SPNS1: variants seen among roughly 807,000 people sequenced by gnomAD.
The protein encoded by SPNS1 is protein spinster homolog 1.
In SPNS1, 22 loss-of-function variants were observed where a neutral mutation model predicts 50.3. That is an observed-to-expected ratio of 0.44 (90% CI 0.31 to 0.62). SPNS1 has a LOEUF of 0.62. SPNS1 is among the 20% of genes least tolerant of loss of function. SPNS1 has a pLI of 0.07. For missense variants in SPNS1, 576 were observed against 728.6 expected (o/e 0.79, Z 2.41); for synonymous variants, 295 against 317.4 (o/e 0.93, Z 0.75).
At chr16:28,980,839 G>A in intron 5 of SPNS1, among the ~76,000 whole-genome samples, 1 of 151,554 alleles carries the variant, frequency 6.6e-6, no homozygotes, top group Non-Finnish European at 1.5e-5. Context: ...GGGTGACAGA[G>A]TGAGACTCTG....
At position 28,981,818 on chromosome 16, in the gene SPNS1, T is replaced by C. The variant is rs1248618042; in HGVS notation, c.810-83T>C. On this transcript the variant is annotated intron_variant, in intron 6 of 11. Coordinates refer to ENST00000311008, the MANE Select transcript of SPNS1 (RefSeq NM_032038.3). This position sits in a 1 kb window ranked among gnomAD's most constrained non-coding sequence, Gnocchi z 4.2. ...GCACGGTGTTGTGACCTTACTAAAATAAGCCAGGAAGGGAGAAGAGAGGTC... is the reference window on the plus strand; with the variant it reads ...GCACGGTGTTGTGACCTTACTAAAACAAGCCAGGAAGGGAGAAGAGAGGTC... 3 of 1,573,492 alleles carry C rather than the reference T, an allele frequency of 1.9e-6. No homozygotes were observed. The African/African-American group carries it at 4.0e-5, about 21-fold the overall frequency.
At chr16:28,984,651 G>A (rs1268672107), downstream of SPNS1, 12 of 627,014 alleles carry the variant, frequency 1.9e-5, no homozygotes, top group Admixed American at 1.6e-4. Flanking sequence ...CTCTGGGTGA[G>A]TCTCTGCCCT....
rs767638751 is a variant in SPNS1, at chr16:28,983,167, C to T, written c.1222-25C>T. On this transcript the variant is annotated intron_variant, in intron 9 of 11. Transcript: ENST00000311008. The surrounding 1 kb of genome is among the most constrained non-coding windows in gnomAD (Gnocchi z 5.4). ...TGCCCCCTGGAGCCCAGAGCATCCACTGAGCTCCACCAACTCCTCCACAGT... is the reference window on the plus strand; with the variant it reads ...TGCCCCCTGGAGCCCAGAGCATCCATTGAGCTCCACCAACTCCTCCACAGT... The T allele has an allele frequency of 2.8e-5, 44 of 1,580,606 alleles. No homozygotes were observed. The highest frequency in any genetic ancestry group is 3.7e-5 in the Non-Finnish European group (42 of 1,150,036).
chr16:28,981,623 T>G lies in SPNS1; in HGVS notation c.809+8T>G, dbSNP rs1965555634. Reference sequence around the variant, plus strand: ...GAGGGCTCTGGCAAGAAAGTGAGTTTATTCCCACCCTAGACCACCATCTGA... The same window carrying G: ...GAGGGCTCTGGCAAGAAAGTGAGTTGATTCCCACCCTAGACCACCATCTGA... On this transcript the variant is annotated splice_region_variant and intron_variant, in intron 6 of 11. Transcript: ENST00000311008. The surrounding 1 kb of genome is among the most constrained non-coding windows in gnomAD (Gnocchi z 4.2). The G allele has an allele frequency of 1.2e-6, 2 of 1,613,754 alleles. No individual in the cohort carries two copies. Among genetic ancestry groups the G allele is most frequent in the Non-Finnish European group, 1.7e-6 (2 of 1,179,778 alleles).
Position 28,984,292 on chromosome 16 carries a change from T to C in SPNS1, c.1580T>C (p.Leu527Pro). Residue 527 changes from leucine (L) to proline (P), a missense_variant, in exon 12 of 12, where the codon CTC becomes CCC. Transcript: ENST00000311008. ...RSTRVPVASV[L>P]I ...ACCCGCGTGCCCGTGGCCAGTGTGC[T>C]CATCTGAGAGGCTGCCGCTCACCTA... 1 of 1,612,330 alleles carries C rather than the reference T, an allele frequency of 6.2e-7. No homozygotes were observed. The highest frequency in any genetic ancestry group is 8.5e-7 in the Non-Finnish European group (1 of 1,179,872).
In SPNS1 at chr16:28,983,848, G is replaced by C. The variant is rs1299416759; in HGVS notation, c.1383G>C (p.Gln461His). The C allele has an allele frequency of 6.2e-7, 1 of 1,604,738 alleles. No homozygotes were observed. The highest frequency in any genetic ancestry group is 8.5e-7 in the Non-Finnish European group (1 of 1,179,388). The change falls in exon 11 of 12, where the codon CAG (glutamine) becomes CAC (histidine). Residue 461 changes from glutamine (Q) to histidine (H), a missense_variant. Gln to His is a conservative substitution (Grantham distance 24, BLOSUM62 0). Transcript: ENST00000311008. This position sits in a 1 kb window ranked among gnomAD's most constrained non-coding sequence, Gnocchi z 5.4. ...PSFLSEFRALQFSLMLCAFVG... is the reference protein window; with the variant it reads ...PSFLSEFRALHFSLMLCAFVG... ...TCTTGTCCGAGTTCCGGGCTCTGCA[G>C]TTCTCGCTCATGCTCTGCGCGTTTG...
Position 28,981,834 on chromosome 16 carries a change from AAG to A in SPNS1, c.810-62_810-61del, listed in dbSNP as rs1965564349. 1.3e-6 allele frequency: 2 copies of A among 1,588,190 alleles called. No individual in the cohort carries two copies. Among genetic ancestry groups the A allele is most frequent in the African/African-American group, 2.7e-5 (2 of 74,382 alleles). On this transcript the variant is annotated intron_variant, in intron 6 of 11. Coordinates refer to ENST00000311008, the MANE Select transcript of SPNS1 (RefSeq NM_032038.3). This position sits in a 1 kb window ranked among gnomAD's most constrained non-coding sequence, Gnocchi z 4.2. ...TTACTAAAATAAGCCAGGAAGGGAGAAGAGAGGTCCCCTCCTGCCTCGACACC... is the reference window on the plus strand; with the variant it reads ...TTACTAAAATAAGCCAGGAAGGGAGAAGAGGTCCCCTCCTGCCTCGACACC...
At position 28,975,161 on chromosome 16, in the gene SPNS1, T is replaced by A; in HGVS notation, c.10T>A (p.Ser4Thr). The change falls in exon 1 of 12, where the codon TCC becomes ACC. Residue 4 changes from serine (S) to threonine (T), a missense_variant. Around this residue, in one of 3 missense-constraint regions of SPNS1, gnomAD observed 144 missense variants for 181.2 expected, o/e 0.79. Coordinates refer to ENST00000311008, the MANE Select transcript of SPNS1 (RefSeq NM_032038.3). The part of the protein sequence containing the change: MAG[S>T]DTAPFLSQAD... ...GCGGCCCCCCGGGACCATGGCCGGG[T>A]CCGACACCGCGCCCTTCCTCAGCCA... The A allele has an allele frequency of 6.7e-7, 1 of 1,487,458 alleles. No individual in the cohort carries two copies. Among genetic ancestry groups the A allele is most frequent in the Non-Finnish European group, 8.9e-7 (1 of 1,120,636 alleles). 92.1% of individuals were successfully genotyped at this position (1,487,458 alleles called of 1,614,324 possible).
At position 28,983,998 on chromosome 16, in the gene SPNS1, C is replaced by T. The variant is rs780068029; in HGVS notation, c.1492+41C>T. ...TGCCCGGCCCAGCTTCTTGATCTGC[C>T]TGTCTGTCTGTCCATCTGTCTGCCC... On this transcript the variant is annotated intron_variant, in intron 11 of 11. Coordinates refer to ENST00000311008, the MANE Select transcript of SPNS1 (RefSeq NM_032038.3). The surrounding 1 kb of genome is among the most constrained non-coding windows in gnomAD (Gnocchi z 5.4). 13 of 1,521,462 alleles carry T rather than the reference C, an allele frequency of 8.5e-6. No individual in the cohort carries two copies. The highest frequency in any genetic ancestry group is 2.3e-5 in the East Asian group (1 of 43,950). The allele number at this position is 1,521,462 out of a possible 1,614,324, so 94.2% of individuals were successfully genotyped here. A position where few individuals can be genotyped will look rare whatever the true frequency, so the allele number is the denominator to read the frequency against.
chr16:28,978,308 G>A (rs1379140658), intron 3 of SPNS1, among the ~76,000 whole-genome samples: 2 of 151,688 alleles, frequency 1.3e-5, no homozygotes, highest in East Asian at 3.9e-4. Flanking sequence ...AACCCTACCT[G>A]GCCTGCCCTC....
chr16:28,983,764 T>A lies in SPNS1; in HGVS notation c.1321-22T>A. The A allele has an allele frequency of 6.4e-7, 1 of 1,556,394 alleles. No individual in the cohort carries two copies. Among genetic ancestry groups the A allele is most frequent in the South Asian group, 1.2e-5 (1 of 84,532 alleles). ...ATCCATGAGGCTGACTCCCCTGGCTTTCCTGTCTCCTCTCCCTGCAGATCT... is the reference window on the plus strand; with the variant it reads ...ATCCATGAGGCTGACTCCCCTGGCTATCCTGTCTCCTCTCCCTGCAGATCT... On this transcript the variant is annotated intron_variant, in intron 10 of 11. Transcript: ENST00000311008. This position sits in a 1 kb window ranked among gnomAD's most constrained non-coding sequence, Gnocchi z 5.4.
intron 2 of SPNS1, among the ~76,000 whole-genome samples, chr16:28,977,300 C>T (rs1048481169): frequency 1.5e-4 from 19 of 128,976 alleles, no homozygotes; most frequent in Admixed American, 9.0e-4. Context: ...GACAACAGAG[C>T]GAGACTTCGT....
rs1443085756 is a variant in SPNS1, at chr16:28,984,367, G to A, written c.*68G>A. On this transcript the variant is annotated 3_prime_UTR_variant, in exon 12 of 12. Transcript: ENST00000311008. ...CTGGGCCCACCCCACGAAGGGCCTG[G>A]GCCTAACCCCTTGGCCTGGCCCAGC... 2 of 1,501,284 alleles carry A rather than the reference G, an allele frequency of 1.3e-6. No individual in the cohort carries two copies. Among genetic ancestry groups the A allele is most frequent in the Non-Finnish European group, 1.8e-6 (2 of 1,097,932 alleles). The allele number at this position is 1,501,284 out of a possible 1,614,324, so 93.0% of individuals were successfully genotyped here.
In SPNS1 at chr16:28,975,265, G is replaced by C. The variant is rs759957793; in HGVS notation, c.114G>C (p.Glu38Asp). The C allele has an allele frequency of 5.8e-6, 9 of 1,558,152 alleles. No individual in the cohort carries two copies. The highest frequency in any genetic ancestry group is 7.8e-6 in the Non-Finnish European group (9 of 1,150,892). Residue 38 changes from glutamate to aspartate, a missense_variant, in exon 1 of 12, where the codon GAG becomes GAC. Around this residue, in one of 3 missense-constraint regions of SPNS1, gnomAD observed 144 missense variants for 181.2 expected, o/e 0.79. Coordinates refer to ENST00000311008, the MANE Select transcript of SPNS1 (RefSeq NM_032038.3). ...CCACGGGGAACCCGAAGTCCGAGGA[G>C]CCCGAGGTCCCGGACCAGGAGGGGC... Reference protein sequence around the residue: ...PGSTGNPKSEEPEVPDQEGLQ... With the variant: ...PGSTGNPKSEDPEVPDQEGLQ...
chr16:28,981,777 A>C lies in SPNS1; in HGVS notation c.810-124A>C. The C allele has an allele frequency of 6.7e-7, 1 of 1,492,372 alleles. No homozygotes were observed. Among genetic ancestry groups the C allele is most frequent in the Admixed American group, 1.8e-5 (1 of 54,548 alleles). The allele number at this position is 1,492,372 out of a possible 1,614,324, so 92.4% of individuals were successfully genotyped here. A position where few individuals can be genotyped will look rare whatever the true frequency, so the allele number is the denominator to read the frequency against. The stretch of plus-strand genomic sequence containing the variant: ...TTGAATTACAGGCCCAGATCCTGGG[A>C]GCCAGAACCACCTCTGCACGGTGTT... On this transcript the variant is annotated intron_variant, in intron 6 of 11. Coordinates refer to ENST00000311008, the MANE Select transcript of SPNS1 (RefSeq NM_032038.3). This position sits in a 1 kb window ranked among gnomAD's most constrained non-coding sequence, Gnocchi z 4.2.
chr16:28,982,691 C>T (rs1412636413), intron 8 of SPNS1, 146 bp downstream of exon 8: 8 of 1,247,718 alleles, frequency 6.4e-6, no homozygotes, highest in Admixed American at 2.0e-5. Context: ...AGTGACTTAA[C>T]CTCTCTGTGC....
Position 28,983,215 on chromosome 16 carries a change from C to T in SPNS1, c.1245C>T (p.Arg415=). The part of the protein sequence containing the change: ...ILLYVVIPTR[R]STAEAFQIVL... ...AGTACGTGGTGATCCCTACCCGACG[C>T]TCCACCGCCGAGGCCTTCCAGATCG... The change falls in exon 10 of 12, where the codon CGC becomes CGT. Residue 415 remains arginine (R), a synonymous_variant. Coordinates refer to ENST00000311008, the MANE Select transcript of SPNS1 (RefSeq NM_032038.3). The surrounding 1 kb of genome is among the most constrained non-coding windows in gnomAD (Gnocchi z 5.4). 1.2e-6 allele frequency: 2 copies of T among 1,614,008 alleles called. No individual in the cohort carries two copies. The highest frequency in any genetic ancestry group is 2.2e-5 in the East Asian group (1 of 44,870).
chr16:28,979,312 TGGGCCTG>T lies in SPNS1; in HGVS notation c.596+17_596+23del. The stretch of plus-strand genomic sequence containing the variant: ...TTTGCCATTCCGGTGGGCAGGTGAG[TGGGCCTG>T]GGGCCTGGGGGAAGGCAGAAGGGCC... On this transcript the variant is annotated splice_region_variant and intron_variant, in intron 4 of 11. Transcript: ENST00000311008. 1.9e-6 allele frequency: 3 copies of T among 1,613,950 alleles called. No individual in the cohort carries two copies. Among genetic ancestry groups the T allele is most frequent in the Non-Finnish European group, 2.5e-6 (3 of 1,179,962 alleles).
chr16:28,984,102 G>T, intron 11 of SPNS1, 103 bp from the exon 12 acceptor site: 1 of 1,431,172 alleles, frequency 7.0e-7, no homozygotes, highest in Non-Finnish European at 9.4e-7. Context: ...CCCCTGGGGT[G>T]GCTCTGTGGC....
Sources: allele counts gnomAD v4.1 joint callset (sites outside exome capture counted in the v4.1 genomes callset), GRCh38; gene constraint gnomAD v4.1.1; regional missense constraint gnomAD v4.1.1; non-coding constraint Gnocchi (gnomAD v3.1); transcripts MANE v1.5; gene names NCBI Gene and HGNC (gene_info 2026-07-23, HGNC 2026-07-21).